The following ACTR3C variants were observed in gnomAD, a reference collection of about 807,000 sequenced individuals.
ACTR3C encodes actin-related protein 3C.
ACTR3C carries 18 observed loss-of-function variants against 26.3 expected under a neutral mutation model. The ratio of observed to expected loss-of-function variants is 0.68; its 90% CI spans 0.47 to 1.01. The LOEUF (loss-of-function observed/expected upper bound fraction) is 1.01. Ranked by LOEUF, ACTR3C falls within the 50% of genes least tolerant of loss-of-function variation. The pLI is 0.00. For synonymous variants in ACTR3C, 55 were observed against 94.5 expected (o/e 0.58, Z 2.42); for missense variants, 184 against 250.7 (o/e 0.73, Z 1.80).
the ACTR3C span, among the ~76,000 whole-genome samples, chr7:150,025,577 A>C: frequency 6.6e-6 from 1 of 151,968 alleles, no homozygotes; most frequent in Non-Finnish European, 1.5e-5. Flanking sequence ...CCTAGAACAT[A>C]ACTTATGTGA....
the ACTR3C span, chr7:150,047,760 C>T: frequency 1.1e-5 from 17 of 1,503,262 alleles, no homozygotes; most frequent in Admixed American, 1.2e-4. Flanking sequence ...CTCCTCGGGC[C>T]CCTGGCCGCC....
At chr7:150,039,761 G>T in the ACTR3C span, among the ~76,000 whole-genome samples, 24 of 138,852 alleles carry the variant, frequency 1.7e-4, no homozygotes, top group African/African-American at 6.0e-4. Flanking sequence ...CTCCTGCGAT[G>T]GGGGTCCCCA....
At chr7:150,050,455 C>A in the ACTR3C span, among the ~76,000 whole-genome samples, 1 of 152,148 alleles carries the variant, frequency 6.6e-6, no homozygotes, top group Non-Finnish European at 1.5e-5. Context: ...AGTTTAAAAT[C>A]TCAAATTATC....
the ACTR3C span, among the ~76,000 whole-genome samples, chr7:149,926,467 C>G: frequency 5.1e-4 from 78 of 152,314 alleles, no homozygotes; most frequent in African/African-American, 1.8e-3. Flanking sequence ...TTCTGGGACT[C>G]TGGAATTCTG....
the ACTR3C span, among the ~76,000 whole-genome samples, chr7:149,978,155 A>G: frequency 1.2e-4 from 18 of 152,160 alleles, no homozygotes; most frequent in South Asian, 2.1e-4. Context: ...CCTATATCCC[A>G]TACGTGATGT....
downstream of ACTR3C, chr7:150,246,524 C>G (rs1449687321): frequency 1.3e-5 from 2 of 152,150 alleles, no homozygotes; most frequent in Non-Finnish European, 2.9e-5. Context: ...TTTCCAATAA[C>G]AACTGTCCAT....
intron 1 of ACTR3C, chr7:150,322,987 G>A (rs1488590373): frequency 6.5e-6 from 1 of 152,690 alleles, no homozygotes; most frequent in African/African-American, 2.4e-5. Context: ...GCACAGCGCC[G>A]GCGTGCAGGG....
At chr7:149,954,583 A>G in the ACTR3C span, among the ~76,000 whole-genome samples, 1 of 152,168 alleles carries the variant, frequency 6.6e-6, no homozygotes, top group Non-Finnish European at 1.5e-5. Context: ...AATGCCAACT[A>G]TATTCCAGTT....
chr7:150,120,913 G>A, the ACTR3C span, among the ~76,000 whole-genome samples: 1 of 152,160 alleles, frequency 6.6e-6, no homozygotes, highest in Non-Finnish European at 1.5e-5. Context: ...TCAACTCTGG[G>A]ATGTAAGGGT....
At chr7:149,900,145 A>G in the ACTR3C span, among the ~76,000 whole-genome samples, 47,260 of 142,598 alleles carry the variant, frequency 0.33, 7,139 homozygotes, top group East Asian at 0.38. Context: ...CAGGCAGTCC[A>G]TTATTTTTGT....
the ACTR3C span, among the ~76,000 whole-genome samples, chr7:150,184,741 C>T: frequency 6.7e-6 from 1 of 149,492 alleles, no homozygotes; most frequent in Non-Finnish European, 1.5e-5. Context: ...CAGAAAGGGC[C>T]CACACGCTAA....
At chr7:150,035,043 G>GTCCCCGCCT in the ACTR3C span, among the ~76,000 whole-genome samples, 1 of 128,118 alleles carries the variant, frequency 7.8e-6, no homozygotes, top group Non-Finnish European at 1.7e-5. Context: ...CTGGCTCTCA[G>GTCCCCGCCT]TAATCCCACG....
At chr7:150,018,346 A>ATT in the ACTR3C span, among the ~76,000 whole-genome samples, 52 of 143,494 alleles carry the variant, frequency 3.6e-4, 1 homozygote, top group South Asian at 2.0e-3. Context: ...TGGCCCAGGC[A>ATT]TTTTTTTTTT....
the ACTR3C span, among the ~76,000 whole-genome samples, chr7:150,103,313 G>A: frequency 1.3e-5 from 2 of 152,108 alleles, no homozygotes; most frequent in South Asian, 2.1e-4. Context: ...ATAATGGGAA[G>A]TGAATATTTA....
At chr7:150,048,937 G>A in the ACTR3C span, among the ~76,000 whole-genome samples, 1 of 152,112 alleles carries the variant, frequency 6.6e-6, no homozygotes, top group East Asian at 1.9e-4. Context: ...CGGGCGCTGC[G>A]CCCCGCAGAG....
chr7:150,046,974 A>G, the ACTR3C span, among the ~76,000 whole-genome samples: 1 of 152,028 alleles, frequency 6.6e-6, no homozygotes, highest in Non-Finnish European at 1.5e-5. Context: ...TCTCAGCAAA[A>G]TTGCTGGGCC....
chr7:150,321,769 G>A (rs1797537221), intron 1 of ACTR3C, among the ~76,000 whole-genome samples: 1 of 152,108 alleles, frequency 6.6e-6, no homozygotes, highest in Non-Finnish European at 1.5e-5. Context: ...TAAAAAACTT[G>A]GATAAAGTGT....
the ACTR3C span, among the ~76,000 whole-genome samples, chr7:150,186,305 G>A: frequency 1.3e-5 from 2 of 152,000 alleles, no homozygotes; most frequent in African/African-American, 2.4e-5. Context: ...AATTTATCAC[G>A]GCAAACACAT....
At chr7:149,942,861 G>A in the ACTR3C span, among the ~76,000 whole-genome samples, 3 of 151,344 alleles carry the variant, frequency 2.0e-5, no homozygotes, top group South Asian at 6.3e-4. Context: ...CAGCTAATAG[G>A]TCATTTCCCT....
Sources: gnomAD v4.1 joint callset for allele counts (sites outside exome capture counted in the v4.1 genomes callset) on GRCh38, gnomAD v4.1.1 for gene constraint, MANE v1.5 for transcripts, NCBI Gene and HGNC (gene_info 2026-07-23, HGNC 2026-07-21) for gene names.